The following OR1L1 variants were observed in gnomAD, a reference collection of about 807,000 sequenced individuals.
OR1L1 encodes the protein olfactory receptor 1L1.
For missense variants in OR1L1, 367 were observed against 371.1 expected (o/e 0.99, Z 0.09); for synonymous variants, 132 against 139.1 (o/e 0.95, Z 0.36).
In OR1L1 at chr9:122,661,985, G is replaced by A; in HGVS notation, c.270G>A (p.Lys90=). Residue 90 remains lysine (K), a synonymous_variant, in exon 1 of 1, where the codon AAG becomes AAA. Coordinates refer to ENST00000309623, the MANE Select transcript of OR1L1 (RefSeq NM_001005236.3). ...KMLVNFLSET[K]TISYSECLTQ... ...TGGTGAACTTCTTATCAGAGACAAA[G>A]ACCATCTCTTACAGTGAGTGTCTGA... 1.2e-6 allele frequency: 2 copies of A among 1,614,204 alleles called. No homozygotes were observed. Among genetic ancestry groups the A allele is most frequent in the Non-Finnish European group, 1.7e-6 (2 of 1,180,040 alleles).
At position 122,661,979 on chromosome 9, in the gene OR1L1, G is replaced by A; in HGVS notation, c.264G>A (p.Glu88=). The change falls in exon 1 of 1, where the codon GAG becomes GAA. Residue 88 remains glutamate, a synonymous_variant. Coordinates refer to ENST00000309623, the MANE Select transcript of OR1L1 (RefSeq NM_001005236.3). ...AGATGCTGGTGAACTTCTTATCAGA[G>A]ACAAAGACCATCTCTTACAGTGAGT... The part of the protein sequence containing the change: ...IPKMLVNFLS[E]TKTISYSECL... 1 of 1,614,200 alleles carries A rather than the reference G, an allele frequency of 6.2e-7. No individual in the cohort carries two copies. The highest frequency in any genetic ancestry group is 8.5e-7 in the Non-Finnish European group (1 of 1,180,038).
chr9:122,662,541 A>T lies in OR1L1; in HGVS notation c.826A>T (p.Ile276Phe). 1 of 1,614,132 alleles carries T rather than the reference A, an allele frequency of 6.2e-7. No individual in the cohort carries two copies. The highest frequency in any genetic ancestry group is 8.5e-7 in the Non-Finnish European group (1 of 1,180,008). ...TGTCAAGGATCAAATAGCAACAATT[A>T]TCTACACCGTACTGACTCCTATGCT... Reference protein sequence around the residue: ...YTVKDQIATIIYTVLTPMLNP... With the variant: ...YTVKDQIATIFYTVLTPMLNP... The change falls in exon 1 of 1, where the codon ATC becomes TTC. Residue 276 changes from isoleucine to phenylalanine, a missense_variant. Ile to Phe is a conservative substitution (Grantham distance 21). Transcript: ENST00000309623.
rs1405230205 is a variant in OR1L1, at chr9:122,661,997, CA to C, written c.283del (p.Ser95ValfsTer4). 1 of 1,614,104 alleles carries C rather than the reference CA, an allele frequency of 6.2e-7. No homozygotes were observed. The highest frequency in any genetic ancestry group is 1.3e-5 in the African/African-American group (1 of 74,934). Reference sequence around the variant, plus strand: ...TATCAGAGACAAAGACCATCTCTTACAGTGAGTGTCTGACCCAGATGTACTT... The same window carrying C: ...TATCAGAGACAAAGACCATCTCTTACGTGAGTGTCTGACCCAGATGTACTT... ...FLSETKTISY[S>X]ECLTQMYFFL... On this transcript the variant is annotated frameshift_variant, in exon 1 of 1. Transcript: ENST00000309623. LOFTEE classifies it low-confidence loss of function (END_TRUNC).
Position 122,662,365 on chromosome 9 carries a change from C to T in OR1L1, c.650C>T (p.Ser217Phe). The change falls in exon 1 of 1, where the codon TCT (serine) becomes TTT (phenylalanine). Residue 217 changes from serine to phenylalanine, a missense_variant. Physicochemically the swap from Ser to Phe is radical, Grantham distance 155. Coordinates refer to ENST00000309623, the MANE Select transcript of OR1L1 (RefSeq NM_001005236.3). ...ACCCCGTTTTCATGCATCATCATCTCTTATTTAAGAATCCTCATCACTGTT... is the reference window on the plus strand; with the variant it reads ...ACCCCGTTTTCATGCATCATCATCTTTTATTTAAGAATCCTCATCACTGTT... ...IMTPFSCIII[S>F]YLRILITVLK... 1 of 1,614,226 alleles carries T rather than the reference C, an allele frequency of 6.2e-7. No individual in the cohort carries two copies.
At position 122,661,935 on chromosome 9, in the gene OR1L1, G is replaced by T. The variant is rs373067647; in HGVS notation, c.220G>T (p.Val74Leu). Residue 74 changes from valine (V) to leucine (L), a missense_variant, in exon 1 of 1, where the codon GTG becomes TTG. Physicochemically the swap from Val to Leu is conservative, Grantham distance 32 (BLOSUM62 1). Transcript: ENST00000309623. ...SILSFVDICY[V>L]TVIIPKMLVN... ...CCTGTCTTTTGTTGACATTTGCTATGTGACAGTCATTATCCCTAAGATGCT... is the reference window on the plus strand; with the variant it reads ...CCTGTCTTTTGTTGACATTTGCTATTTGACAGTCATTATCCCTAAGATGCT... 6.2e-7 allele frequency: 1 copy of T among 1,614,176 alleles called. No individual in the cohort carries two copies. The highest frequency in any genetic ancestry group is 1.3e-5 in the African/African-American group (1 of 75,044).
chr9:122,661,813 C>G lies in OR1L1; in HGVS notation c.98C>G (p.Pro33Arg). The change falls in exon 1 of 1, where the codon CCC (proline) becomes CGC (arginine). Residue 33 changes from proline (P) to arginine (R), a missense_variant. Transcript: ENST00000309623. ...AAGCCGCTCTTTGCTGTGTTCCTCC[C>G]CATCTACCTTATCACAGTGATAGGA... ...DQKPLFAVFL[P>R]IYLITVIGNL... The G allele has an allele frequency of 6.2e-7, 1 of 1,614,176 alleles. No homozygotes were observed. Among genetic ancestry groups the G allele is most frequent in the Non-Finnish European group, 8.5e-7 (1 of 1,180,032 alleles).
chr9:122,662,015 G>A lies in OR1L1; in HGVS notation c.300G>A (p.Gln100=). The change falls in exon 1 of 1, where the codon CAG becomes CAA. Residue 100 remains glutamine, a synonymous_variant. Coordinates refer to ENST00000309623, the MANE Select transcript of OR1L1 (RefSeq NM_001005236.3). ...TCTCTTACAGTGAGTGTCTGACCCAGATGTACTTTTTCTTAGCCTTTGGAA... is the reference window on the plus strand; with the variant it reads ...TCTCTTACAGTGAGTGTCTGACCCAAATGTACTTTTTCTTAGCCTTTGGAA... ...KTISYSECLT[Q]MYFFLAFGNT... 6.2e-7 allele frequency: 1 copy of A among 1,614,174 alleles called. No homozygotes were observed. The highest frequency in any genetic ancestry group is 8.5e-7 in the Non-Finnish European group (1 of 1,180,040).
rs1398422859 is a variant in OR1L1 at position 122,662,547 on chromosome 9, A to G, written c.832A>G (p.Thr278Ala). The G allele has an allele frequency of 5.0e-6, 8 of 1,614,052 alleles. No homozygotes were observed. Among genetic ancestry groups the G allele is most frequent in the Non-Finnish European group, 6.8e-6 (8 of 1,179,998 alleles). The change falls in exon 1 of 1, where the codon ACC becomes GCC. Residue 278 changes from threonine (T) to alanine (A), a missense_variant. Coordinates refer to ENST00000309623, the MANE Select transcript of OR1L1 (RefSeq NM_001005236.3). ...GGATCAAATAGCAACAATTATCTACACCGTACTGACTCCTATGCTAAATCC... is the reference window on the plus strand; with the variant it reads ...GGATCAAATAGCAACAATTATCTACGCCGTACTGACTCCTATGCTAAATCC... The part of the protein sequence containing the change: ...VKDQIATIIY[T>A]VLTPMLNPFI...
rs1421208772 is a variant in OR1L1, at chr9:122,661,756, T to G, written c.41T>G (p.Leu14Arg). 1 of 1,614,158 alleles carries G rather than the reference T, an allele frequency of 6.2e-7. No individual in the cohort carries two copies. Among genetic ancestry groups the G allele is most frequent in the South Asian group, 1.1e-5 (1 of 91,074 alleles). Reference protein sequence around the residue: ...NNLTRPSEFILLGLSSRPEDQ... With the variant: ...NNLTRPSEFIRLGLSSRPEDQ... ...CTAACAAGACCCTCTGAATTCATCC[T>G]CCTTGGACTCTCCTCTCGACCTGAG... The change falls in exon 1 of 1, where the codon CTC becomes CGC. Residue 14 changes from leucine (L) to arginine (R), a missense_variant. Leu to Arg is a moderately radical substitution (Grantham distance 102). Coordinates refer to ENST00000309623, the MANE Select transcript of OR1L1 (RefSeq NM_001005236.3).
rs1830525775 is a variant in OR1L1 at position 122,662,373 on chromosome 9, A to C, written c.658A>C (p.Arg220=). The C allele has an allele frequency of 6.2e-7, 1 of 1,614,068 alleles. No homozygotes were observed. The change falls in exon 1 of 1, where the codon AGA becomes CGA. Residue 220 remains arginine, a synonymous_variant. Transcript: ENST00000309623. ...TTCATGCATCATCATCTCTTATTTA[A>C]GAATCCTCATCACTGTTCTGAAGAT... ...PFSCIIISYL[R]ILITVLKIPS... is the part of the protein sequence containing the mutation.
Position 122,662,095 on chromosome 9 carries a change from G to A in OR1L1, c.380G>A (p.Cys127Tyr). The A allele has an allele frequency of 1.2e-6, 2 of 1,614,018 alleles. No homozygotes were observed. Among genetic ancestry groups the A allele is most frequent in the Non-Finnish European group, 1.7e-6 (2 of 1,180,026 alleles). The change falls in exon 1 of 1, where the codon TGT becomes TAT. Residue 127 changes from cysteine (C) to tyrosine (Y), a missense_variant. Coordinates refer to ENST00000309623, the MANE Select transcript of OR1L1 (RefSeq NM_001005236.3). ...AMAIDRYVAICNPFHYITIMS... is the reference protein window; with the variant it reads ...AMAIDRYVAIYNPFHYITIMS... ...GCCATTGACCGCTATGTGGCCATAT[G>A]TAATCCCTTCCACTACATCACCATT... is the stretch of plus-strand genomic sequence containing the variant.
At position 122,662,435 on chromosome 9, in the gene OR1L1, C is replaced by T. The variant is rs532423933; in HGVS notation, c.720C>T (p.Thr240=). The T allele has an allele frequency of 1.2e-5, 20 of 1,614,222 alleles. No homozygotes were observed. In the East Asian group the frequency reaches 4.0e-4, roughly 32 times the overall value. Residue 240 remains threonine, a synonymous_variant, in exon 1 of 1, where the codon ACC becomes ACT. Transcript: ENST00000309623. ...CTGGAAAGCGTAAAGCATTTTCTAC[C>T]TGTGGCTCTCATCTCACAGTGGTGA... is the stretch of plus-strand genomic sequence containing the variant. ...SAAGKRKAFS[T]CGSHLTVVTL...
rs78370954 is a variant in OR1L1 at position 122,662,418 on chromosome 9, C to T, written c.703C>T (p.Arg235Cys). The T allele has an allele frequency of 5.7e-5, 92 of 1,614,148 alleles. 1 individual carries two copies. In the East Asian group the frequency reaches 1.7e-3, roughly 30 times the overall value. The stretch of plus-strand genomic sequence containing the variant: ...GAAGATTCCTTCAGCTGCTGGAAAG[C>T]GTAAAGCATTTTCTACCTGTGGCTC... ...VLKIPSAAGKRKAFSTCGSHL... is the reference protein window; with the variant it reads ...VLKIPSAAGKCKAFSTCGSHL... Residue 235 changes from arginine to cysteine, a missense_variant, in exon 1 of 1, where the codon CGT becomes TGT. Coordinates refer to ENST00000309623, the MANE Select transcript of OR1L1 (RefSeq NM_001005236.3).
chr9:122,662,008 T>C lies in OR1L1; in HGVS notation c.293T>C (p.Leu98Pro). The change falls in exon 1 of 1, where the codon CTG becomes CCG. Residue 98 changes from leucine to proline, a missense_variant. Physicochemically the swap from Leu to Pro is moderately conservative, Grantham distance 98. Transcript: ENST00000309623. ...AAGACCATCTCTTACAGTGAGTGTC[T>C]GACCCAGATGTACTTTTTCTTAGCC... ...ETKTISYSECLTQMYFFLAFG... is the reference protein window; with the variant it reads ...ETKTISYSECPTQMYFFLAFG... 6.2e-7 allele frequency: 1 copy of C among 1,614,216 alleles called. No homozygotes were observed. Among genetic ancestry groups the C allele is most frequent in the Non-Finnish European group, 8.5e-7 (1 of 1,180,040 alleles).
Position 122,661,828 on chromosome 9 carries a change from C to A in OR1L1, c.113C>A (p.Thr38Lys). The change falls in exon 1 of 1, where the codon ACA (threonine) becomes AAA (lysine). Residue 38 changes from threonine (T) to lysine (K), a missense_variant. Transcript: ENST00000309623. ...GTGTTCCTCCCCATCTACCTTATCA[C>A]AGTGATAGGAAACCTGCTTATCATC... Reference protein sequence around the residue: ...FAVFLPIYLITVIGNLLIILA... With the variant: ...FAVFLPIYLIKVIGNLLIILA... 6.2e-7 allele frequency: 1 copy of A among 1,614,198 alleles called. No homozygotes were observed. Among genetic ancestry groups the A allele is most frequent in the South Asian group, 1.1e-5 (1 of 91,074 alleles).
chr9:122,662,322 G>C lies in OR1L1; in HGVS notation c.607G>C (p.Gly203Arg), dbSNP rs2118845068. ...FVKEITVMTE[G>R]LAVIMTPFSC... ...CAAAGAAATCACAGTAATGACAGAA[G>C]GCTTGGCTGTCATAATGACCCCGTT... Residue 203 changes from glycine to arginine, a missense_variant, in exon 1 of 1, where the codon GGC becomes CGC. Gly to Arg is a moderately radical substitution (Grantham distance 125, BLOSUM62 -2). Transcript: ENST00000309623. 1.2e-6 allele frequency: 2 copies of C among 1,614,102 alleles called. No individual in the cohort carries two copies. Among genetic ancestry groups the C allele is most frequent in the Non-Finnish European group, 1.7e-6 (2 of 1,180,002 alleles).
Position 122,662,295 on chromosome 9 carries a change from G to C in OR1L1, c.580G>C (p.Val194Leu), listed in dbSNP as rs2118845000. 1.2e-6 allele frequency: 2 copies of C among 1,614,072 alleles called. No homozygotes were observed. The highest frequency in any genetic ancestry group is 1.7e-6 in the Non-Finnish European group (2 of 1,180,002). The change falls in exon 1 of 1, where the codon GTC (valine) becomes CTC (leucine). Residue 194 changes from valine to leucine, a missense_variant. Physicochemically the swap from Val to Leu is conservative, Grantham distance 32. Transcript: ENST00000309623. ...AAAATTGTCCTGTTCCTCCCATTTTGTCAAAGAAATCACAGTAATGACAGA... is the reference window on the plus strand; with the variant it reads ...AAAATTGTCCTGTTCCTCCCATTTTCTCAAAGAAATCACAGTAATGACAGA... The part of the protein sequence containing the change: ...VLKLSCSSHF[V>L]KEITVMTEGL...
chr9:122,661,816 T>A lies in OR1L1; in HGVS notation c.101T>A (p.Ile34Asn). 6.2e-7 allele frequency: 1 copy of A among 1,614,188 alleles called. No homozygotes were observed. The highest frequency in any genetic ancestry group is 8.5e-7 in the Non-Finnish European group (1 of 1,180,036). Residue 34 changes from isoleucine to asparagine, a missense_variant, in exon 1 of 1, where the codon ATC (isoleucine) becomes AAC (asparagine). Coordinates refer to ENST00000309623, the MANE Select transcript of OR1L1 (RefSeq NM_001005236.3). The part of the protein sequence containing the change: ...QKPLFAVFLP[I>N]YLITVIGNLL... ...CCGCTCTTTGCTGTGTTCCTCCCCA[T>A]CTACCTTATCACAGTGATAGGAAAC...
rs1219186362 is a variant in OR1L1 at position 122,662,473 on chromosome 9, G to A, written c.758G>A (p.Gly253Glu). The A allele has an allele frequency of 1.2e-6, 2 of 1,614,154 alleles. No homozygotes were observed. Among genetic ancestry groups the A allele is most frequent in the Admixed American group, 3.3e-5 (2 of 60,016 alleles). Residue 253 changes from glycine to glutamate, a missense_variant, in exon 1 of 1, where the codon GGA becomes GAA. Gly to Glu is a moderately conservative substitution (Grantham distance 98). Coordinates refer to ENST00000309623, the MANE Select transcript of OR1L1 (RefSeq NM_001005236.3). Reference protein sequence around the residue: ...SHLTVVTLFYGSISYLYFQPL... With the variant: ...SHLTVVTLFYESISYLYFQPL... The stretch of plus-strand genomic sequence containing the variant: ...CTCACAGTGGTGACCCTGTTTTATG[G>A]AAGCATTAGCTATCTCTATTTTCAG...
Sources: allele counts gnomAD v4.1 joint callset, GRCh38; gene constraint gnomAD v4.1.1; transcripts MANE v1.5; gene names NCBI Gene and HGNC (gene_info 2026-07-23, HGNC 2026-07-21).